The following SIPA1L2 variants were observed in gnomAD, a reference collection of about 807,000 sequenced individuals.
The protein encoded by SIPA1L2 is signal induced proliferation associated 1 like 2, also known as signal-induced proliferation-associated 1-like protein 2.
A neutral mutation model predicts 163.9 loss-of-function variants in SIPA1L2; 56 were observed. The ratio of observed to expected loss-of-function variants is 0.34; its 90% CI spans 0.28 to 0.43. The LOEUF (loss-of-function observed/expected upper bound fraction) is 0.43, where lower values mean the gene tolerates loss of function less well. Among genes scored for constraint, SIPA1L2 ranks in the 20% least tolerant of loss-of-function variants. SIPA1L2 has a pLI of 1.00. For missense variants in SIPA1L2, 1,974 were observed against 2,193.5 expected (o/e 0.90, Z 2.00); for synonymous variants, 877 against 865.7 (o/e 1.01, Z -0.23).
Position 232,596,930 on chromosome 1 carries a change from G to A in SIPA1L2, c.-318-22708C>T, listed in dbSNP as rs548277518. ...CCACCGTGCAGGCAACATGCCACCT[G>A]GGCCCAGTAAGTTAAATGGCCTAAT... On this transcript the variant is annotated intron_variant, in intron 1 of 22. Coordinates refer to ENST00000674635, the MANE Select transcript of SIPA1L2 (RefSeq NM_020808.5). Among the ~76,000 whole-genome samples, 90 of 152,328 alleles carry A rather than the reference G, an allele frequency of 5.9e-4. 1 individual carries two copies. In the South Asian group the frequency reaches 0.016, roughly 28 times the overall value.
At chr1:232,541,241 A>AT (rs761177794) in intron 2 of SIPA1L2, among the ~76,000 whole-genome samples, 1,570 of 145,984 alleles carry the variant, frequency 0.011, 26 homozygotes, top group African/African-American at 0.036. Context: ...ATCACATAAC[A>AT]TAACATTAAC....
Position 232,552,890 on chromosome 1 carries a change from G to GA in SIPA1L2, c.-270+21283_-270+21284insT, listed in dbSNP as rs1398084094. On this transcript the variant is annotated intron_variant, in intron 2 of 22. Transcript: ENST00000674635. ...CTTATGGAGGGGGAGCATGCACACA[G>GA]GCAGGTGCAGGAACCAGGGGGAGAT... 3.9e-5 allele frequency among the ~76,000 whole-genome samples: 6 copies of GA among 152,316 alleles called. No homozygotes were observed. The East Asian group carries it at 1.2e-3, about 30-fold the overall frequency.
chr1:232,481,181 A>G (rs1665335755), intron 6 of SIPA1L2, among the ~76,000 whole-genome samples: 1 of 152,242 alleles, frequency 6.6e-6, no homozygotes, highest in African/African-American at 2.4e-5. Flanking sequence ...GACTTCTTAG[A>G]AAGTAACATT....
At position 232,547,569 on chromosome 1, in the gene SIPA1L2, G is replaced by A. The variant is rs539435980; in HGVS notation, c.-270+26605C>T. On this transcript the variant is annotated intron_variant, in intron 2 of 22. Transcript: ENST00000674635. ...GCCCTAATGATCACTGTGGCCCGGG[G>A]TGGGGGCTGGGTGGGGGCTGGGGGG... Among the ~76,000 whole-genome samples, 162 of 149,084 alleles carry A rather than the reference G, an allele frequency of 1.1e-3. 3 individuals carry two copies. The highest frequency in any genetic ancestry group is 4.0e-3 in the African/African-American group (160 of 40,262).
chr1:232,627,748 A>G (rs1663158979), intron 1 of SIPA1L2, among the ~76,000 whole-genome samples: 1 of 152,196 alleles, frequency 6.6e-6, no homozygotes, highest in Admixed American at 6.5e-5. Context: ...GGCCCATACT[A>G]AAAGCCAGAA....
intron 10 of SIPA1L2, among the ~76,000 whole-genome samples, chr1:232,448,798 C>T (rs1006113397): frequency 1.3e-5 from 2 of 152,178 alleles, no homozygotes; most frequent in South Asian, 2.1e-4. Context: ...AACAGTAGTT[C>T]GGCCCTGGGC....
In SIPA1L2 at chr1:232,432,081, T is replaced by G. The variant is rs3765573; in HGVS notation, c.4256+166A>C. Among the ~76,000 whole-genome samples, 5,412 of 152,280 alleles carry G rather than the reference T, an allele frequency of 0.036. 589 individuals are homozygous for G. In the East Asian group the frequency reaches 0.41, roughly 11 times the overall value. The stretch of plus-strand genomic sequence containing the variant: ...TTTTTTTATGTAAAAATCAAGAGAA[T>G]AATTTTATAGGGAAATATAAACATC... On this transcript the variant is annotated intron_variant, in intron 16 of 22. Transcript: ENST00000674635.
intron 1 of SIPA1L2, among the ~76,000 whole-genome samples, chr1:232,577,212 T>C (rs1385291900): frequency 2.6e-5 from 4 of 152,216 alleles, no homozygotes. Context: ...CTGCCCGTGC[T>C]CTATCATTGG....
intron 19 of SIPA1L2, among the ~76,000 whole-genome samples, chr1:232,410,442 A>T (rs1263510502): frequency 6.6e-6 from 1 of 152,060 alleles, no homozygotes; most frequent in Non-Finnish European, 1.5e-5. Context: ...GCTTTCTCAT[A>T]CTAATATTAA....
intron 10 of SIPA1L2, among the ~76,000 whole-genome samples, chr1:232,457,629 T>A (rs545989589): frequency 6.6e-6 from 1 of 152,356 alleles, no homozygotes; most frequent in South Asian, 2.1e-4. Context: ...TCCTGTTATG[T>A]GTTGCTATAT....
intron 2 of SIPA1L2, among the ~76,000 whole-genome samples, chr1:232,528,237 T>TA (rs141153709): frequency 0.017 from 2,550 of 151,872 alleles, 79 homozygotes; most frequent in African/African-American, 0.059. Context: ...ATTCGATCCA[T>TA]AAAAAATCTC....
chr1:232,410,018 C>A (rs1380141369), intron 19 of SIPA1L2, among the ~76,000 whole-genome samples: 1 of 151,964 alleles, frequency 6.6e-6, no homozygotes, highest in Non-Finnish European at 1.5e-5. Context: ...TTTGTATTTT[C>A]TATGTATAAA....
chr1:232,399,224 T>C lies in SIPA1L2; in HGVS notation c.5072A>G (p.Gln1691Arg), dbSNP rs1183468565. 1.9e-6 allele frequency: 3 copies of C among 1,613,720 alleles called. No homozygotes were observed. The highest frequency in any genetic ancestry group is 1.3e-5 in the African/African-American group (1 of 74,848). Residue 1691 changes from glutamine (Q) to arginine (R), a missense_variant, in exon 23 of 23, where the codon CAG (glutamine) becomes CGG (arginine). Transcript: ENST00000674635. Reference protein sequence around the residue: ...VLQAEVQHLRQDNMRLQEESQ... With the variant: ...VLQAEVQHLRRDNMRLQEESQ... ...CTCCTCCTGCAGTCTCATGTTGTCC[T>C]GTCTCAGGTGCTGCACTTCTGCTTG...
chr1:232,450,677 T>C (rs575085886), intron 10 of SIPA1L2, among the ~76,000 whole-genome samples: 7 of 152,214 alleles, frequency 4.6e-5, no homozygotes, highest in Non-Finnish European at 1.0e-4. Flanking sequence ...CAGTGCTTGT[T>C]TGGCCTTCAA....
At chr1:232,488,387 C>T (rs1665756170) in intron 5 of SIPA1L2, among the ~76,000 whole-genome samples, 2 of 152,220 alleles carry the variant, frequency 1.3e-5, no homozygotes, top group African/African-American at 4.8e-5. Flanking sequence ...TTGGAATAAA[C>T]TCTCCACCAC....
intron 1 of SIPA1L2, among the ~76,000 whole-genome samples, chr1:232,608,923 C>T (rs905531683): frequency 9.9e-5 from 15 of 151,886 alleles, no homozygotes; most frequent in African/African-American, 2.7e-4. Flanking sequence ...CACAATAGGC[C>T]GGTCTTCTTA....
intron 1 of SIPA1L2, among the ~76,000 whole-genome samples, chr1:232,612,981 T>G (rs1293992128): frequency 1.3e-5 from 2 of 152,150 alleles, no homozygotes; most frequent in African/African-American, 4.8e-5. Context: ...TGGGGGCAGT[T>G]TCCCCCATAC....
At chr1:232,528,102 A>ATCTC (rs34779799) in intron 2 of SIPA1L2, among the ~76,000 whole-genome samples, 2 of 118,498 alleles carry the variant, frequency 1.7e-5, no homozygotes, top group African/African-American at 3.5e-5. Context: ...ATATATATAT[A>ATCTC]ATCAACTTTC....
intron 10 of SIPA1L2, among the ~76,000 whole-genome samples, chr1:232,457,692 A>G (rs1163516072): frequency 1.3e-5 from 2 of 152,230 alleles, no homozygotes; most frequent in African/African-American, 4.8e-5. Context: ...TTTAAATTTT[A>G]AAAGGAGTGA....
Sources: gnomAD v4.1 joint callset for allele counts (sites outside exome capture counted in the v4.1 genomes callset) on GRCh38, gnomAD v4.1.1 for gene constraint, MANE v1.5 for transcripts, NCBI Gene and HGNC (gene_info 2026-07-23, HGNC 2026-07-21) for gene names.